ULK4: variants seen among roughly 807,000 people sequenced by gnomAD.
ULK4 encodes the protein unc-51 like kinase 4, also known as inactive serine/threonine-protein kinase ULK4.
Under a neutral mutation model 160.6 loss-of-function variants are expected in ULK4, and 133 were observed. The ratio of observed to expected loss-of-function variants is 0.83; its 90% CI spans 0.72 to 0.96. ULK4 has a LOEUF of 0.96. ULK4 is among the 40% of genes least tolerant of loss of function. The pLI is 0.00. For synonymous variants in ULK4, 534 were observed against 539.8 expected (o/e 0.99, Z 0.15); for missense variants, 1,580 against 1,499.5 (o/e 1.05, Z -0.89).
chr3:41,748,702 A>G (rs2038505960), intron 22 of ULK4, among the ~76,000 whole-genome samples: 1 of 152,154 alleles, frequency 6.6e-6, no homozygotes, highest in Non-Finnish European at 1.5e-5. Context: ...CACTCTTGTA[A>G]TTTATTTAAC....
intron 17 of ULK4, among the ~76,000 whole-genome samples, chr3:41,871,305 A>C (rs1249216565): frequency 6.6e-6 from 1 of 152,242 alleles, no homozygotes; most frequent in Non-Finnish European, 1.5e-5. Context: ...CTTACTAAGT[A>C]GTATTCTAAG....
chr3:41,622,881 T>C (rs1415906841), intron 30 of ULK4, among the ~76,000 whole-genome samples: 2 of 152,168 alleles, frequency 1.3e-5, no homozygotes, highest in Non-Finnish European at 2.9e-5. Flanking sequence ...GCAGGCCACA[T>C]TGTCTCTATA....
At chr3:41,267,242 T>C (rs2079056384) in intron 35 of ULK4, among the ~76,000 whole-genome samples, 1 of 152,112 alleles carries the variant, frequency 6.6e-6, no homozygotes, top group African/African-American at 2.4e-5. Flanking sequence ...CAACTCCCAC[T>C]TATGAGTGAG....
At chr3:41,454,045 G>A (rs1239666292) in intron 34 of ULK4, among the ~76,000 whole-genome samples, 1 of 85,848 alleles carries the variant, frequency 1.2e-5, no homozygotes, top group Non-Finnish European at 2.1e-5. Flanking sequence ...GGGGAGGGGG[G>A]AGGGATAGCA....
chr3:41,873,007 GC>G (rs1697156066), intron 17 of ULK4, among the ~76,000 whole-genome samples: 2 of 152,008 alleles, frequency 1.3e-5, no homozygotes, highest in African/African-American at 4.8e-5. Flanking sequence ...ACAAAAATAA[GC>G]CGAGTATGGT....
At chr3:41,923,172 A>AAAAT (rs1559652647) in intron 5 of ULK4, among the ~76,000 whole-genome samples, 2 of 151,908 alleles carry the variant, frequency 1.3e-5, no homozygotes, top group African/African-American at 4.8e-5. Flanking sequence ...CTGTCTCAAA[A>AAAAT]AAATAAATAA....
rs968654760 is a variant in ULK4, at chr3:41,322,881, A to G, written c.3679-73307T>C. ...AAGGTTATCTTTATGACTAGGGATT[A>G]GGGAAAGACTTCTTAAGCAAGGCTC... On this transcript the variant is annotated intron_variant, in intron 35 of 36. Coordinates refer to ENST00000301831, the MANE Select transcript of ULK4 (RefSeq NM_017886.4). Among the ~76,000 whole-genome samples, 24 of 152,198 alleles carry G rather than the reference A, an allele frequency of 1.6e-4. 1 individual carries two copies. Among genetic ancestry groups the G allele is most frequent in the Admixed American group, 1.6e-3 (24 of 15,282 alleles).
chr3:41,617,065 G>C (rs2033010858), intron 30 of ULK4, among the ~76,000 whole-genome samples: 4 of 152,198 alleles, frequency 2.6e-5, no homozygotes, highest in Admixed American at 2.6e-4. Flanking sequence ...CCTCCTCACT[G>C]GGCAGGGCAT....
chr3:41,474,425 G>GA (rs2084081323), intron 32 of ULK4, among the ~76,000 whole-genome samples: 2 of 151,876 alleles, frequency 1.3e-5, no homozygotes, highest in African/African-American at 4.8e-5. Flanking sequence ...ACACAGAGGG[G>GA]AAAAAACACA....
chr3:41,928,064 C>A (rs991537032), intron 5 of ULK4, among the ~76,000 whole-genome samples: 1 of 152,178 alleles, frequency 6.6e-6, no homozygotes, highest in Non-Finnish European at 1.5e-5. Flanking sequence ...CTTCTCAGCA[C>A]CACATCACAC....
chr3:41,859,409 G>A, intron 17 of ULK4: 2 of 562,824 alleles, frequency 3.6e-6, no homozygotes, highest in Non-Finnish European at 7.1e-6. Context: ...GGTCCAAAGA[G>A]AGGGTTGAGT....
intron 27 of ULK4, among the ~76,000 whole-genome samples, chr3:41,683,672 C>G (rs766664613): frequency 6.6e-6 from 1 of 151,842 alleles, no homozygotes; most frequent in Non-Finnish European, 1.5e-5. Context: ...TTAATTGACT[C>G]AGTCTGAAGA....
intron 32 of ULK4, among the ~76,000 whole-genome samples, chr3:41,489,195 G>A (rs527721584): frequency 1.3e-5 from 2 of 152,170 alleles, no homozygotes; most frequent in Non-Finnish European, 2.9e-5. Flanking sequence ...TTTTACTGAC[G>A]ACATAGGCAT....
intron 22 of ULK4, among the ~76,000 whole-genome samples, chr3:41,738,322 A>T (rs539838136): frequency 6.6e-6 from 1 of 151,958 alleles, no homozygotes; most frequent in South Asian, 2.1e-4. Context: ...GGTGCTATTG[A>T]CTTGGCAAAG....
intron 35 of ULK4, among the ~76,000 whole-genome samples, chr3:41,264,748 T>C (rs530169113): frequency 2.6e-5 from 4 of 152,354 alleles, no homozygotes; most frequent in Non-Finnish European, 5.9e-5. Flanking sequence ...CAACAGATTA[T>C]ATTAGATGAG....
At chr3:41,875,130 G>C (rs1697252690) in intron 17 of ULK4, among the ~76,000 whole-genome samples, 1 of 152,224 alleles carries the variant, frequency 6.6e-6, no homozygotes, top group African/African-American at 2.4e-5. Flanking sequence ...AGTGAGCCAT[G>C]ATCGTGCTAC....
At chr3:41,315,309 A>G (rs2080125539) in intron 35 of ULK4, among the ~76,000 whole-genome samples, 1 of 152,170 alleles carries the variant, frequency 6.6e-6, no homozygotes, top group African/African-American at 2.4e-5. Flanking sequence ...CCTTGAAGTC[A>G]CAGACTTTGT....
intron 32 of ULK4, among the ~76,000 whole-genome samples, chr3:41,540,783 A>G (rs2086668633): frequency 6.6e-6 from 1 of 152,088 alleles, no homozygotes; most frequent in African/African-American, 2.4e-5. Context: ...GTTCTCTATG[A>G]CCAGTAAGAT....
At chr3:41,299,382 T>A (rs1326337075) in intron 35 of ULK4, among the ~76,000 whole-genome samples, 1 of 152,194 alleles carries the variant, frequency 6.6e-6, no homozygotes, top group African/African-American at 2.4e-5. Flanking sequence ...AGTCACTGGA[T>A]TGCCAACTTT....
Sources: allele counts gnomAD v4.1 joint callset (sites outside exome capture counted in the v4.1 genomes callset), GRCh38; gene constraint gnomAD v4.1.1; transcripts MANE v1.5; gene names NCBI Gene and HGNC (gene_info 2026-07-23, HGNC 2026-07-21).